Variants in IFI27 observed in about 807,000 individuals in gnomAD.
The protein encoded by IFI27 is interferon alpha inducible protein 27.
Under a neutral mutation model 8.9 loss-of-function variants are expected in IFI27, and 3 were observed. The ratio of observed to expected loss-of-function variants is 0.34; its 90% CI spans 0.15 to 0.87. The LOEUF (loss-of-function observed/expected upper bound fraction) is 0.87, where lower values mean the gene tolerates loss of function less well. IFI27 is among the 40% of genes least tolerant of loss of function. IFI27 has a pLI of 0.51. For synonymous variants in IFI27, 66 were observed against 67.3 expected (o/e 0.98, Z 0.09); for missense variants, 152 against 157.7 (o/e 0.96, Z 0.19).
upstream of IFI27, among the ~76,000 whole-genome samples, chr14:94,108,998 T>G (rs998077302): frequency 1.3e-5 from 2 of 151,978 alleles, no homozygotes; most frequent in Non-Finnish European, 2.9e-5. Flanking sequence ...TGAAAGAAAG[T>G]TTAATGGCTG....
rs750315165 is a variant in IFI27, at chr14:94,116,523, A to T, written c.365A>T (p.Tyr122Phe). 8.7e-6 allele frequency: 14 copies of T among 1,611,534 alleles called. No homozygotes were observed. Among genetic ancestry groups the T allele is most frequent in the African/African-American group, 2.7e-5 (2 of 74,854 alleles). Reference sequence around the variant, plus strand: ...ATTGCGGCTGTCATTGCGAGGTTCTACTAGCTCCCTGCCCCTCGCCCTGCA... The same window carrying T: ...ATTGCGGCTGTCATTGCGAGGTTCTTCTAGCTCCCTGCCCCTCGCCCTGCA... Residue 122 changes from tyrosine (Y) to phenylalanine (F), a missense_variant, in exon 5 of 5, where the codon TAC (tyrosine) becomes TTC (phenylalanine). Coordinates refer to ENST00000621160, the Ensembl canonical transcript of IFI27. The surrounding 1 kb of genome is among the most constrained non-coding windows in gnomAD (Gnocchi z 4.3).
At chr14:94,106,055 G>A (rs1190267472), upstream of IFI27, 2 of 152,246 alleles carry the variant, frequency 1.3e-5, no homozygotes, top group Non-Finnish European at 2.9e-5. Context: ...AGATTAAGAG[G>A]TGTCAGCCCC....
chr14:94,109,560 T>C (rs893438160), upstream of IFI27, among the ~76,000 whole-genome samples: 1 of 152,148 alleles, frequency 6.6e-6, no homozygotes, highest in African/African-American at 2.4e-5. Context: ...AGTTTTGGAT[T>C]GGGTTTGTGA....
chr14:94,116,499 T>C lies in IFI27; in HGVS notation c.341T>C (p.Ile114Thr), dbSNP rs760925809. ...ATCCTGGGCTCCATTGGGTCTGCCATTGCGGCTGTCATTGCGAGGTTCTAC... is the reference window on the plus strand; with the variant it reads ...ATCCTGGGCTCCATTGGGTCTGCCACTGCGGCTGTCATTGCGAGGTTCTAC... The change falls in exon 5 of 5, where the codon ATT becomes ACT. Residue 114 changes from isoleucine (I) to threonine (T), a missense_variant. Ile to Thr is a moderately conservative substitution (Grantham distance 89). Coordinates refer to ENST00000621160, the Ensembl canonical transcript of IFI27. This position sits in a 1 kb window ranked among gnomAD's most constrained non-coding sequence, Gnocchi z 4.3. 1.9e-6 allele frequency: 3 copies of C among 1,613,468 alleles called. No individual in the cohort carries two copies. The highest frequency in any genetic ancestry group is 2.5e-6 in the Non-Finnish European group (3 of 1,179,782).
At chr14:94,115,653 C>A in intron 3 of IFI27, 128 bp from the exon 4 acceptor site, 1 of 953,028 alleles carries the variant, frequency 1.0e-6, no homozygotes, top group Non-Finnish European at 1.5e-6. Flanking sequence ...TTGGCCGTGC[C>A]CATAGTCTCT....
At chr14:94,106,854 G>A (rs1042813439), upstream of IFI27, among the ~76,000 whole-genome samples, 3 of 152,106 alleles carry the variant, frequency 2.0e-5, no homozygotes, top group East Asian at 1.9e-4. Flanking sequence ...CAGATCTTGC[G>A]GGAACTAATA....
Position 94,116,501 on chromosome 14 carries a change from G to T in IFI27, c.343G>T (p.Ala115Ser). The T allele has an allele frequency of 1.5e-5, 25 of 1,613,458 alleles. No individual in the cohort carries two copies. The highest frequency in any genetic ancestry group is 1.9e-5 in the Non-Finnish European group (23 of 1,179,770). The stretch of plus-strand genomic sequence containing the variant: ...CCTGGGCTCCATTGGGTCTGCCATT[G>T]CGGCTGTCATTGCGAGGTTCTACTA... Residue 115 changes from alanine (A) to serine (S), a missense_variant, in exon 5 of 5, where the codon GCG (alanine) becomes TCG (serine). By Grantham distance (99) the Ala-to-Ser change is moderately conservative. Coordinates refer to ENST00000621160, the Ensembl canonical transcript of IFI27. This position sits in a 1 kb window ranked among gnomAD's most constrained non-coding sequence, Gnocchi z 4.3.
In IFI27 at chr14:94,111,278, C is replaced by A. The variant is rs995299257; in HGVS notation, c.-58-347C>A. Reference sequence around the variant, plus strand: ...GCCTGCTGTATATGCCTTAAAAATGCGATTGGTTCTGATTTCTTAGTTTTG... The same window carrying A: ...GCCTGCTGTATATGCCTTAAAAATGAGATTGGTTCTGATTTCTTAGTTTTG... On this transcript the variant is annotated intron_variant, in intron 1 of 4. Coordinates refer to ENST00000621160, the Ensembl canonical transcript of IFI27. This position sits in a 1 kb window ranked among gnomAD's most constrained non-coding sequence, Gnocchi z 4.3. Among the ~76,000 whole-genome samples, 1 of 152,104 alleles carries A rather than the reference C, an allele frequency of 6.6e-6. No homozygotes were observed. Among genetic ancestry groups the A allele is most frequent in the East Asian group, 1.9e-4 (1 of 5,188 alleles).
At chr14:94,115,726 A>G in intron 3 of IFI27, 55 bp from the exon 4 acceptor site, 1 of 1,556,442 alleles carries the variant, frequency 6.4e-7, no homozygotes, top group Non-Finnish European at 8.7e-7. Context: ...GACTCAGTGT[A>G]TCTGGGGGGG....
intron 2 of IFI27, chr14:94,113,971 GCTGGGGAA>G (rs1457725713): frequency 6.6e-6 from 1 of 152,508 alleles, no homozygotes; most frequent in Non-Finnish European, 1.5e-5. Context: ...CCCTCTGGCT[GCTGGGGAA>G]CATAACCTCT....
At chr14:94,115,788 C>T (rs1887368482) in exon 4 of IFI27, 1 of 639,796 alleles carries the variant, frequency 1.6e-6, no homozygotes, top group African/African-American at 2.1e-5. Context: ...CAGTTGTGGC[C>T]ATGGCGGCTG....
In IFI27 at chr14:94,111,630, G is replaced by T; in HGVS notation, c.-53G>T. On this transcript the variant is annotated 5_prime_UTR_variant, in exon 2 of 5. Coordinates refer to ENST00000621160, the Ensembl canonical transcript of IFI27. This position sits in a 1 kb window ranked among gnomAD's most constrained non-coding sequence, Gnocchi z 4.3. Reference sequence around the variant, plus strand: ...GAGCTCCATCCCTTCGGCAGGTCTGGCTGAAGTTGAGGATCTCTTACTCTC... The same window carrying T: ...GAGCTCCATCCCTTCGGCAGGTCTGTCTGAAGTTGAGGATCTCTTACTCTC... The T allele has an allele frequency of 1.4e-6, 2 of 1,467,692 alleles. No individual in the cohort carries two copies. The highest frequency in any genetic ancestry group is 3.3e-5 in the Admixed American group (2 of 59,714). 90.9% of individuals were successfully genotyped at this position (1,467,692 alleles called of 1,614,324 possible). A position where few individuals can be genotyped will look rare whatever the true frequency, so the allele number is the denominator to read the frequency against.
rs1416548166 is a variant in IFI27, at chr14:94,116,109, A to G, written c.283+167A>G. 2.3e-6 allele frequency: 2 copies of G among 854,720 alleles called. No individual in the cohort carries two copies. The highest frequency in any genetic ancestry group is 3.8e-6 in the Non-Finnish European group (2 of 524,868). 52.9% of individuals were successfully genotyped at this position (854,720 alleles called of 1,614,324 possible). On this transcript the variant is annotated intron_variant, in intron 4 of 4. Coordinates refer to ENST00000621160, the Ensembl canonical transcript of IFI27. This position sits in a 1 kb window ranked among gnomAD's most constrained non-coding sequence, Gnocchi z 4.3. The stretch of plus-strand genomic sequence containing the variant: ...AGGGAGATGGAGGAGGGAGGGAAGG[A>G]GCCCAAGCCAGGAACAGTGCACTCA...
upstream of IFI27, among the ~76,000 whole-genome samples, chr14:94,106,499 G>A (rs570650199): frequency 7.5e-4 from 114 of 152,272 alleles, 2 homozygotes; most frequent in Non-Finnish European, 1.2e-4. Context: ...TTTGATAGCA[G>A]CCATCCTAAT....
chr14:94,115,753 G>T, intron 3 of IFI27, 28 bp from the exon 4 acceptor site: 1 of 1,597,094 alleles, frequency 6.3e-7, no homozygotes. Flanking sequence ...CTGAGCCCAC[G>T]CACCGACCCA....
At chr14:94,106,157 C>A (rs1887012362), upstream of IFI27, among the ~76,000 whole-genome samples, 1 of 152,138 alleles carries the variant, frequency 6.6e-6, no homozygotes, top group South Asian at 2.1e-4. Flanking sequence ...CTCTGGGGGG[C>A]CTCTTTTATA....
chr14:94,115,634 T>C (rs1887360729), intron 3 of IFI27, 147 bp from the exon 4 acceptor site: 1 of 764,658 alleles, frequency 1.3e-6, no homozygotes, highest in Non-Finnish European at 2.1e-6. Flanking sequence ...TCCCCTTGAT[T>C]CGTGCCTATT....
rs562746213 is a variant in IFI27, at chr14:94,111,612, A to G, written c.-58-13A>G. The G allele has an allele frequency of 4.6e-4, 590 of 1,292,806 alleles. 1 individual carries two copies. Among genetic ancestry groups the G allele is most frequent in the Non-Finnish European group, 5.4e-5 (48 of 888,998 alleles). The allele number at this position is 1,292,806 out of a possible 1,614,324, so 80.1% of individuals were successfully genotyped here. On this transcript the variant is annotated splice_polypyrimidine_tract_variant and intron_variant, in intron 1 of 4. Transcript: ENST00000621160. This position sits in a 1 kb window ranked among gnomAD's most constrained non-coding sequence, Gnocchi z 4.3. ...GTGCCCATCCCGTCCTCAGAGCTCC[A>G]TCCCTTCGGCAGGTCTGGCTGAAGT...
chr14:94,111,802 G>A lies in IFI27; in HGVS notation c.91+29G>A. The A allele has an allele frequency of 6.4e-7, 1 of 1,570,546 alleles. No homozygotes were observed. Among genetic ancestry groups the A allele is most frequent in the Non-Finnish European group, 8.8e-7 (1 of 1,140,440 alleles). ...AGTGTTCCTGGGAGGGGCTGGTGCT[G>A]GGGGCGAGGAGGCGGCTGGGAAGGG... On this transcript the variant is annotated intron_variant, in intron 2 of 4. Coordinates refer to ENST00000621160, the Ensembl canonical transcript of IFI27. This position sits in a 1 kb window ranked among gnomAD's most constrained non-coding sequence, Gnocchi z 4.3.
Sources: gnomAD v4.1 joint callset for allele counts (sites outside exome capture counted in the v4.1 genomes callset) on GRCh38, gnomAD v4.1.1 for gene constraint, Gnocchi (gnomAD v3.1) non-coding constraint, MANE v1.5 for transcripts, NCBI Gene and HGNC (gene_info 2026-07-23, HGNC 2026-07-21) for gene names.